ATXN3: variants seen among roughly 807,000 people sequenced by gnomAD.
The protein encoded by ATXN3 is ataxin-3.
A neutral mutation model predicts 58.2 loss-of-function variants in ATXN3; 28 were observed. That is an observed-to-expected ratio of 0.48 (90% CI 0.36 to 0.66). The LOEUF (loss-of-function observed/expected upper bound fraction) is 0.66, where lower values mean the gene tolerates loss of function less well. ATXN3 is among the 30% of genes least tolerant of loss of function. ATXN3 has a pLI of 0.00. For synonymous variants in ATXN3, 113 were observed against 138.5 expected, an observed-to-expected ratio of 0.82 and a Z score of 1.29; for missense variants, 321 against 422.1, an observed-to-expected ratio of 0.76 and a Z score of 2.10.
chr14:92,105,657 G>C (rs1270613244), intron 1 of ATXN3, among the ~76,000 whole-genome samples: 3 of 152,160 alleles, frequency 2.0e-5, no homozygotes, highest in African/African-American at 7.2e-5. Flanking sequence ...CTGTCCTGGG[G>C]AAGGCTTCAC....
At chr14:92,088,347 G>C (rs1014355130) in intron 6 of ATXN3, among the ~76,000 whole-genome samples, 6 of 152,192 alleles carry the variant, frequency 3.9e-5, no homozygotes, top group African/African-American at 1.4e-4. Context: ...TGGGATTACA[G>C]GCGTGAGCCA....
chr14:92,078,743 T>C (rs1177399844), intron 9 of ATXN3, among the ~76,000 whole-genome samples: 3 of 152,214 alleles, frequency 2.0e-5, no homozygotes, highest in African/African-American at 4.8e-5. Flanking sequence ...TTTATGACAA[T>C]AGCATTTAAC....
chr14:92,085,350 T>G (rs1212324500), intron 6 of ATXN3, among the ~76,000 whole-genome samples: 2 of 151,786 alleles, frequency 1.3e-5, no homozygotes, highest in Non-Finnish European at 2.9e-5. Flanking sequence ...CCACACCCAG[T>G]TAATTTTTGT....
intron 10 of ATXN3, among the ~76,000 whole-genome samples, chr14:92,067,427 T>C (rs974516477): frequency 6.6e-6 from 1 of 152,160 alleles, no homozygotes; most frequent in African/African-American, 2.4e-5. Context: ...GATGGAGTCT[T>C]GCTCTGTTGC....
rs991510077 is a variant in ATXN3, at chr14:92,059,145, C to T, written c.*5175G>A. 3.3e-5 allele frequency: 5 copies of T among 151,938 alleles called. No individual in the cohort carries two copies. The highest frequency in any genetic ancestry group is 9.7e-5 in the African/African-American group (4 of 41,368). The allele number at this position is 151,938 out of a possible 1,614,324, so 9.4% of individuals were successfully genotyped here. A position where few individuals can be genotyped will look rare whatever the true frequency, so the allele number is the denominator to read the frequency against. ...CCAATTACGACAAATTTAGAAGTTA[C>T]GTTATTAGCACTAATTCTTAAAATG... is the stretch of plus-strand genomic sequence containing the variant. On this transcript the variant is annotated 3_prime_UTR_variant, in exon 11 of 11. Transcript: ENST00000644486.
intron 9 of ATXN3, among the ~76,000 whole-genome samples, chr14:92,074,075 A>G (rs959485475): frequency 1.3e-5 from 2 of 149,238 alleles, no homozygotes; most frequent in Non-Finnish European, 3.0e-5. Flanking sequence ...ACCTGTAATC[A>G]CAACACTTTG....
At chr14:92,088,215 T>C (rs1328305676) in intron 6 of ATXN3, among the ~76,000 whole-genome samples, 4 of 152,022 alleles carry the variant, frequency 2.6e-5, no homozygotes, top group African/African-American at 7.2e-5. Context: ...ACTACAGGCG[T>C]CCGCCACCAC....
At chr14:92,053,697 C>G (rs1461410421), downstream of ATXN3, among the ~76,000 whole-genome samples, 1 of 151,924 alleles carries the variant, frequency 6.6e-6, no homozygotes, top group Non-Finnish European at 1.5e-5. Flanking sequence ...TGAGGTCTCC[C>G]TGTGTTGCTC....
At chr14:92,089,982 C>T (rs1481517881) in intron 5 of ATXN3, among the ~76,000 whole-genome samples, 1 of 152,166 alleles carries the variant, frequency 6.6e-6, no homozygotes, top group Non-Finnish European at 1.5e-5. Context: ...AATCCGAGCA[C>T]TTTGGGAGGT....
At chr14:92,065,159 CTCTA>C (rs1296789392) in intron 10 of ATXN3, among the ~76,000 whole-genome samples, 1 of 152,198 alleles carries the variant, frequency 6.6e-6, no homozygotes, top group African/African-American at 2.4e-5. Flanking sequence ...CTAATATGTT[CTCTA>C]TCTCTATACA....
At chr14:92,046,038 A>G (rs1247563106) in intron 2 of ATXN3, among the ~76,000 whole-genome samples, 1 of 152,234 alleles carries the variant, frequency 6.6e-6, no homozygotes, top group Non-Finnish European at 1.5e-5. Flanking sequence ...TTAAGGAGGC[A>G]ATAATGATGG....
At chr14:92,105,384 C>T (rs972450780) in intron 1 of ATXN3, among the ~76,000 whole-genome samples, 1 of 152,100 alleles carries the variant, frequency 6.6e-6, no homozygotes, top group Non-Finnish European at 1.5e-5. Flanking sequence ...CCATTGCACA[C>T]CTGCCTGGGT....
At chr14:92,081,099 G>GTAT (rs1555401227) in intron 8 of ATXN3, 38 bp from the exon 9 acceptor site, 1 of 1,353,294 alleles carries the variant, frequency 7.4e-7, no homozygotes, top group Non-Finnish European at 1.1e-6. Context: ...ACCAATCACT[G>GTAT]TATTTACCAA....
At chr14:92,081,398 C>T (rs769917266) in intron 8 of ATXN3, among the ~76,000 whole-genome samples, 4 of 139,880 alleles carry the variant, frequency 2.9e-5, no homozygotes, top group African/African-American at 5.3e-5. Flanking sequence ...GCTTGAACCT[C>T]GGAGGCAGGG....
chr14:92,087,314 G>A (rs762922388), intron 6 of ATXN3, among the ~76,000 whole-genome samples: 17 of 152,140 alleles, frequency 1.1e-4, no homozygotes, highest in Non-Finnish European at 2.1e-4. Context: ...AGCTAGGTGT[G>A]GTAGCACAAG....
chr14:92,103,640 T>A (rs1444263254), intron 1 of ATXN3, among the ~76,000 whole-genome samples: 1 of 152,148 alleles, frequency 6.6e-6, no homozygotes, highest in Admixed American at 6.5e-5. Context: ...CCCGGCCCCA[T>A]TCAAATATTT....
In ATXN3 at chr14:92,064,063, C is replaced by G; in HGVS notation, c.*257G>C. The G allele has an allele frequency of 4.1e-6, 1 of 243,422 alleles. No homozygotes were observed. The highest frequency in any genetic ancestry group is 7.9e-6 in the Non-Finnish European group (1 of 126,214). The allele number at this position is 243,422 out of a possible 1,614,324, so 15.1% of individuals were successfully genotyped here. ...CTTTAGACATGTTACATATTGCACA[C>G]TCAAAAAAGAAAAAGAAACATTTAG... On this transcript the variant is annotated 3_prime_UTR_variant, in exon 11 of 11. Transcript: ENST00000644486.
intron 9 of ATXN3, among the ~76,000 whole-genome samples, chr14:92,078,910 G>A (rs2060919478): frequency 6.6e-6 from 1 of 152,142 alleles, no homozygotes; most frequent in African/African-American, 2.4e-5. Flanking sequence ...ATTGGGCCGG[G>A]CTCAGTGGCT....
chr14:92,096,986 C>T (rs540810112), intron 1 of ATXN3, 148 bp from the exon 2 acceptor site: 177 of 636,456 alleles, frequency 2.8e-4, no homozygotes, highest in Non-Finnish European at 4.4e-4. Flanking sequence ...TGGCTCACTG[C>T]AAGCTCCGCC....
Sources: allele counts gnomAD v4.1 joint callset (sites outside exome capture counted in the v4.1 genomes callset), GRCh38; gene constraint gnomAD v4.1.1; transcripts MANE v1.5; gene names NCBI Gene and HGNC (gene_info 2026-07-23, HGNC 2026-07-21).